STAT5B: variants seen among roughly 807,000 people sequenced by gnomAD.
STAT5B encodes transcription factor STAT5B.
In STAT5B, 21 loss-of-function variants were observed where a neutral mutation model predicts 107.8. The observed-to-expected ratio is 0.19, with a 90% CI of 0.14 to 0.28. The LOEUF is 0.28. STAT5B is among the 10% of genes least tolerant of loss of function. The pLI is 1.00. For missense variants in STAT5B, 565 were observed against 1,008.2 expected (o/e 0.56, Z 5.95); for synonymous variants, 325 against 401.7 (o/e 0.81, Z 2.28).
intron 1 of STAT5B, among the ~76,000 whole-genome samples, chr17:42,266,414 A>G (rs1367914684): frequency 6.6e-6 from 1 of 151,852 alleles, no homozygotes; most frequent in East Asian, 1.9e-4. Flanking sequence ...AAAACCATAA[A>G]TTTTGAGAAT....
chr17:42,262,018 A>G (rs1297022071), intron 1 of STAT5B, among the ~76,000 whole-genome samples: 1 of 152,116 alleles, frequency 6.6e-6, no homozygotes, highest in African/African-American at 2.4e-5. Flanking sequence ...ATTTTTACTT[A>G]ATTAAATTTT....
chr17:42,217,606 AC>A (rs1480819123), intron 9 of STAT5B, 142 bp from the exon 10 acceptor site: 1 of 807,214 alleles, frequency 1.2e-6, no homozygotes, highest in Non-Finnish European at 2.1e-6. Context: ...GCTACATAAC[AC>A]ATACATGTAA....
chr17:42,224,873 A>G lies in STAT5B; in HGVS notation c.286-5T>C. 2 of 1,613,266 alleles carry G rather than the reference A, an allele frequency of 1.2e-6. No individual in the cohort carries two copies. Among genetic ancestry groups the G allele is most frequent in the Non-Finnish European group, 1.7e-6 (2 of 1,179,550 alleles). On this transcript the variant is annotated splice_region_variant and splice_polypyrimidine_tract_variant and intron_variant, in intron 3 of 18. Transcript: ENST00000293328. ...GGGGCAGCGGTCATACGTGTTCTGA[A>G]AGAATCCAACAGCAGACATCACTTT...
chr17:42,232,760 G>A (rs190746592), intron 1 of STAT5B, among the ~76,000 whole-genome samples: 10 of 151,766 alleles, frequency 6.6e-5, no homozygotes, highest in Admixed American at 5.3e-4. Context: ...CTTTGACATC[G>A]TAGACATATT....
upstream of STAT5B, chr17:42,276,412 CCGCGGGGGCG>C (rs1248818194): frequency 6.8e-6 from 1 of 147,338 alleles, no homozygotes; most frequent in Non-Finnish European, 1.5e-5. This position sits in a 1 kb window ranked among gnomAD's most constrained non-coding sequence, Gnocchi z 4.8. Context: ...CCGCCGGGGC[CCGCGGGGGCG>C]CGCGCGCCGC....
intron 1 of STAT5B, among the ~76,000 whole-genome samples, chr17:42,274,426 G>T (rs1444906928): frequency 6.6e-6 from 1 of 151,762 alleles, no homozygotes; most frequent in African/African-American, 2.4e-5. Context: ...GTGTGGACTT[G>T]TTTGAATTAA....
At position 42,212,026 on chromosome 17, in the gene STAT5B, C is replaced by A. The variant is rs776333900; in HGVS notation, c.1638G>T (p.Glu546Asp). The change falls in exon 13 of 19, where the codon GAG becomes GAT. Residue 546 changes from glutamate to aspartate, a missense_variant. Around this residue, in one of 11 missense-constraint regions of STAT5B, gnomAD observed 127 missense variants for 215.8 expected, o/e 0.59. Transcript: ENST00000293328. ...KLFNNSSSHL[E>D]DYSGLSVSWS... ...AGGACACAGACAGGCCACTGTAGTC[C>A]TCCAGGTGGCTGCTGCTGTTGTTGA... 4 of 1,613,942 alleles carry A rather than the reference C, an allele frequency of 2.5e-6. No individual in the cohort carries two copies. The highest frequency in any genetic ancestry group is 3.4e-6 in the Non-Finnish European group (4 of 1,179,916).
chr17:42,270,425 T>C (rs1385624177), intron 1 of STAT5B: 1 of 152,136 alleles, frequency 6.6e-6, no homozygotes, highest in African/African-American at 2.4e-5. Flanking sequence ...ATCCCTTTGT[T>C]TGTAAACAGA....
intron 1 of STAT5B, among the ~76,000 whole-genome samples, chr17:42,256,895 A>G (rs1194916266): frequency 6.7e-6 from 1 of 149,462 alleles, no homozygotes; most frequent in East Asian, 1.9e-4. Context: ...AAAAGACTAC[A>G]TACTTGTTCT....
rs1232904947 is a variant in STAT5B, at chr17:42,227,172, T to TAAATAAATAAAC, written c.285+356_285+357insGTTTATTTATTT. On this transcript the variant is annotated intron_variant, in intron 3 of 18. Transcript: ENST00000293328. Reference sequence around the variant, plus strand: ...ATAAATAAATAAATAAATAAATAAATAGAAAATGCACAGAGGTACTTACTG... The same window carrying TAAATAAATAAAC: ...ATAAATAAATAAATAAATAAATAAATAAATAAATAAACAGAAAATGCACAGAGGTACTTACTG... Among the ~76,000 whole-genome samples, 3 of 149,620 alleles carry TAAATAAATAAAC rather than the reference T, an allele frequency of 2.0e-5. No homozygotes were observed. In the Admixed American group the frequency reaches 2.0e-4, roughly 10 times the overall value.
chr17:42,263,777 T>A (rs1046711763), intron 1 of STAT5B, among the ~76,000 whole-genome samples: 1 of 151,778 alleles, frequency 6.6e-6, no homozygotes, highest in Admixed American at 6.6e-5. Context: ...TCCTCCCACC[T>A]CAGCCTCCCA....
intron 12 of STAT5B, among the ~76,000 whole-genome samples, chr17:42,213,143 G>A (rs1295797755): frequency 6.6e-6 from 1 of 152,122 alleles, no homozygotes; most frequent in Non-Finnish European, 1.5e-5. Flanking sequence ...TAACAATGCT[G>A]CAATGTTCTT....
At chr17:42,221,241 G>A (rs886150797) in intron 5 of STAT5B, among the ~76,000 whole-genome samples, 24 of 152,270 alleles carry the variant, frequency 1.6e-4, no homozygotes, top group African/African-American at 4.6e-4. Flanking sequence ...GTATCTGCAC[G>A]GCTACCTCAG....
At position 42,249,505 on chromosome 17, in the gene STAT5B, ATAAAG is replaced by A. The variant is rs1241637485; in HGVS notation, c.-10-17373_-10-17369del. 3.9e-5 allele frequency among the ~76,000 whole-genome samples: 6 copies of A among 152,354 alleles called. No individual in the cohort carries two copies. The East Asian group carries it at 9.6e-4, about 24-fold the overall frequency. On this transcript the variant is annotated intron_variant, in intron 1 of 18. Transcript: ENST00000293328. Reference sequence around the variant, plus strand: ...AATAAATTTTGAACTTATTCTCAAAATAAAGTCAAGTCAGTCATTCTGCAACATGC... The same window carrying A: ...AATAAATTTTGAACTTATTCTCAAAATCAAGTCAGTCATTCTGCAACATGC...
At position 42,220,135 on chromosome 17, in the gene STAT5B, C is replaced by A. The variant is rs2080212236; in HGVS notation, c.551-293G>T. Among the ~76,000 whole-genome samples the A allele has an allele frequency of 3.3e-5, 5 of 152,318 alleles. No individual in the cohort carries two copies. The South Asian group carries it at 1.0e-3, about 32-fold the overall frequency. ...CCTCCTGCCCGCCTGCCTCACAGGGCTGCCAGCCCTCTTCTCGCGGCCCAG... is the reference window on the plus strand; with the variant it reads ...CCTCCTGCCCGCCTGCCTCACAGGGATGCCAGCCCTCTTCTCGCGGCCCAG... On this transcript the variant is annotated intron_variant, in intron 5 of 18. Coordinates refer to ENST00000293328, the MANE Select transcript of STAT5B (RefSeq NM_012448.4).
chr17:42,217,156 T>C lies in STAT5B; in HGVS notation c.1380+4A>G. ...GCACACGCAGAGCTGAGGGAAGGCT[T>C]TACCTTGACTTGAAAAACCAGCTCA... On this transcript the variant is annotated splice_donor_region_variant and intron_variant, in intron 11 of 18. Transcript: ENST00000293328. 6.2e-7 allele frequency: 1 copy of C among 1,610,992 alleles called. No individual in the cohort carries two copies. Among genetic ancestry groups the C allele is most frequent in the Non-Finnish European group, 8.5e-7 (1 of 1,178,582 alleles).
At chr17:42,266,339 G>A (rs1421158905) in intron 1 of STAT5B, among the ~76,000 whole-genome samples, 1 of 151,462 alleles carries the variant, frequency 6.6e-6, no homozygotes, top group Non-Finnish European at 1.5e-5. Flanking sequence ...ACCAGCCCGG[G>A]CAACATAGTG....
intron 12 of STAT5B, among the ~76,000 whole-genome samples, chr17:42,213,513 CTTTATTA>C (rs201634963): frequency 0.012 from 1,792 of 151,628 alleles, 28 homozygotes; most frequent in African/African-American, 0.042. Flanking sequence ...GGCCACAAGT[CTTTATTA>C]TTTATTTTTT....
At chr17:42,282,006 A>C in the STAT5B span, among the ~76,000 whole-genome samples, 1 of 152,178 alleles carries the variant, frequency 6.6e-6, no homozygotes, top group Admixed American at 6.5e-5. Flanking sequence ...AAAGCAGCTC[A>C]GTGGGACCAG....
Sources: gnomAD v4.1 joint callset for allele counts (sites outside exome capture counted in the v4.1 genomes callset) on GRCh38, gnomAD v4.1.1 for gene constraint, gnomAD v4.1.1 regional missense constraint, Gnocchi (gnomAD v3.1) non-coding constraint, MANE v1.5 for transcripts, NCBI Gene and HGNC (gene_info 2026-07-23, HGNC 2026-07-21) for gene names.